DOCK2: variants seen among roughly 807,000 people sequenced by gnomAD.
DOCK2 encodes the protein dedicator of cytokinesis protein 2.
A neutral mutation model predicts 248.9 loss-of-function variants in DOCK2; 87 were observed. The observed-to-expected ratio is 0.35, with a 90% CI of 0.29 to 0.42. The LOEUF (loss-of-function observed/expected upper bound fraction) is 0.42. DOCK2 is among the 10% of genes least tolerant of loss of function. The pLI is 1.00. For missense variants in DOCK2, 1,747 were observed against 2,300.2 expected (o/e 0.76, Z 4.92); for synonymous variants, 805 against 821.6 (o/e 0.98, Z 0.35).
At chr5:170,067,398 G>A (rs1187801628) in intron 44 of DOCK2, 112 bp from the exon 45 acceptor site, 3 of 1,095,484 alleles carry the variant, frequency 2.7e-6, no homozygotes, top group Non-Finnish European at 4.0e-6. Flanking sequence ...AGCCCCTTAG[G>A]GAGCATTGCC....
intron 27 of DOCK2, among the ~76,000 whole-genome samples, chr5:169,857,373 G>A (rs76857037): frequency 6.6e-5 from 10 of 152,200 alleles, no homozygotes; most frequent in African/African-American, 2.4e-4. Context: ...CAAAGATCTT[G>A]GCAGGGGGAA....
chr5:169,972,582 TAGA>T (rs750735017), intron 27 of DOCK2, among the ~76,000 whole-genome samples: 1 of 61,506 alleles, frequency 1.6e-5, no homozygotes, highest in African/African-American at 6.8e-5. Context: ...GATAGATAGA[TAGA>T]TGATAGATAG....
intron 39 of DOCK2, 52 bp downstream of exon 39, chr5:170,045,957 C>G (rs1756693166): frequency 6.5e-7 from 1 of 1,546,474 alleles, no homozygotes; most frequent in African/African-American, 1.4e-5. Flanking sequence ...GTGCTCAGGG[C>G]CTCAGCTCAC....
intron 9 of DOCK2, among the ~76,000 whole-genome samples, chr5:169,690,886 T>G (rs1760258499): frequency 6.6e-6 from 1 of 152,222 alleles, no homozygotes; most frequent in African/African-American, 2.4e-5. Context: ...AGAGCCTTGG[T>G]TGACAGGCTC....
intron 2 of DOCK2, among the ~76,000 whole-genome samples, chr5:169,667,804 G>A (rs1198842035): frequency 1.3e-5 from 2 of 152,202 alleles, no homozygotes; most frequent in African/African-American, 2.4e-5. Flanking sequence ...CACTTAGAAA[G>A]TATAAGCAGT....
chr5:169,955,569 G>A (rs184072672), intron 27 of DOCK2, among the ~76,000 whole-genome samples: 42 of 152,316 alleles, frequency 2.8e-4, no homozygotes, highest in Admixed American at 9.1e-4. Context: ...CAAAATTTCA[G>A]TATGACCTTG....
At chr5:169,856,676 A>G (rs1351784719) in intron 27 of DOCK2, among the ~76,000 whole-genome samples, 1 of 152,174 alleles carries the variant, frequency 6.6e-6, no homozygotes, top group Admixed American at 6.5e-5. Flanking sequence ...TCCATCACCC[A>G]TCCGTGATTT....
intron 34 of DOCK2, chr5:170,028,655 C>A (rs1229266137): frequency 6.6e-6 from 1 of 152,496 alleles, no homozygotes; most frequent in African/African-American, 2.4e-5. Context: ...GTTCACAGAG[C>A]TATGTAACCA....
At chr5:170,081,586 G>T in intron 50 of DOCK2, 2 of 494,248 alleles carry the variant, frequency 4.0e-6, no homozygotes, top group Non-Finnish European at 3.6e-6. Context: ...GGATGTCAGG[G>T]CTTTGGGGCA....
chr5:169,783,109 A>C (rs1276158604), intron 25 of DOCK2, among the ~76,000 whole-genome samples: 1 of 152,258 alleles, frequency 6.6e-6, no homozygotes, highest in Non-Finnish European at 1.5e-5. Context: ...AAGCGCCATG[A>C]GACTTCAGAG....
chr5:169,934,068 T>C (rs1436712067), intron 27 of DOCK2, among the ~76,000 whole-genome samples: 1 of 152,174 alleles, frequency 6.6e-6, no homozygotes, highest in Non-Finnish European at 1.5e-5. Context: ...CATTGATCAG[T>C]GGTCACATTT....
intron 15 of DOCK2, among the ~76,000 whole-genome samples, chr5:169,708,938 G>C (rs1316187802): frequency 6.6e-6 from 1 of 152,198 alleles, no homozygotes; most frequent in Non-Finnish European, 1.5e-5. Context: ...GTCTGGGTTC[G>C]TATTCCAGCC....
intron 36 of DOCK2, chr5:170,040,485 C>T (rs1201617113): frequency 6.4e-6 from 1 of 155,684 alleles, no homozygotes; most frequent in Non-Finnish European, 1.4e-5. Flanking sequence ...GATCCACTTC[C>T]TTTTATTACC....
At chr5:169,977,153 C>A (rs1348341989) in intron 27 of DOCK2, among the ~76,000 whole-genome samples, 1 of 152,212 alleles carries the variant, frequency 6.6e-6, no homozygotes, top group East Asian at 1.9e-4. Context: ...TACCTGCCAG[C>A]AACTGTTCCT....
chr5:170,020,605 A>T (rs1182055571), intron 33 of DOCK2, among the ~76,000 whole-genome samples: 1 of 152,258 alleles, frequency 6.6e-6, no homozygotes, highest in Non-Finnish European at 1.5e-5. Flanking sequence ...TTTAAAGATG[A>T]AAAGAAACTG....
intron 2 of DOCK2, among the ~76,000 whole-genome samples, chr5:169,667,418 C>A (rs370952531): frequency 1.3e-5 from 2 of 152,210 alleles, no homozygotes; most frequent in African/African-American, 4.8e-5. Context: ...TAATACTTAG[C>A]TCACAGTGTC....
chr5:169,670,596 A>C lies in DOCK2; in HGVS notation c.223A>C (p.Arg75=). ...HIKEVTVEKR[R]NTENIIPAEI... is the part of the protein sequence containing the mutation. ...CAAGGAAGTGACAGTTGAGAAAAGA[A>C]GGTATTTGCCATTCTTCACCAGACT... is the stretch of plus-strand genomic sequence containing the variant. The change falls in exon 4 of 52, where the codon AGA becomes CGA. Residue 75 remains arginine, a splice_region_variant and synonymous_variant. Transcript: ENST00000520908. 2 of 1,614,080 alleles carry C rather than the reference A, an allele frequency of 1.2e-6. No homozygotes were observed. Among genetic ancestry groups the C allele is most frequent in the Non-Finnish European group, 1.7e-6 (2 of 1,179,988 alleles).
At chr5:169,820,492 T>C (rs1768361591) in intron 26 of DOCK2, among the ~76,000 whole-genome samples, 2 of 152,344 alleles carry the variant, frequency 1.3e-5, no homozygotes, top group African/African-American at 2.4e-5. Flanking sequence ...CCTCTGCTGC[T>C]GGTACCCAGG....
intron 23 of DOCK2, among the ~76,000 whole-genome samples, chr5:169,754,920 A>ATTATTTATTTATTTAT (rs144364050): frequency 0.35 from 49,529 of 140,968 alleles, 9,186 homozygotes; most frequent in Admixed American, 0.46. Context: ...CCTATTTTTT[A>ATTATTTATTTATTTAT]TTATTTATTT....
Sources: allele counts gnomAD v4.1 joint callset (sites outside exome capture counted in the v4.1 genomes callset), GRCh38; gene constraint gnomAD v4.1.1; transcripts MANE v1.5; gene names NCBI Gene and HGNC (gene_info 2026-07-23, HGNC 2026-07-21).